Variants in SIPA1L1 observed in about 807,000 individuals in gnomAD.
The protein encoded by SIPA1L1 is signal-induced proliferation-associated 1-like protein 1.
In SIPA1L1, 26 loss-of-function variants were observed where a neutral mutation model predicts 162.7. That is an observed-to-expected ratio of 0.16 (90% CI 0.12 to 0.22). The LOEUF is 0.22. Among genes scored for constraint, SIPA1L1 ranks in the 10% least tolerant of loss-of-function variants. The pLI is 1.00. For synonymous variants in SIPA1L1, 829 were observed against 837.4 expected, an observed-to-expected ratio of 0.99 and a Z score of 0.17; for missense variants, 1,874 against 2,241.0, an observed-to-expected ratio of 0.84 and a Z score of 3.31.
Position 71,589,085 on chromosome 14 carries a change from G to T in SIPA1L1, c.1213G>T (p.Asp405Tyr). 2 of 1,614,108 alleles carry T rather than the reference G, an allele frequency of 1.2e-6. No homozygotes were observed. The highest frequency in any genetic ancestry group is 4.5e-5 in the East Asian group (2 of 44,866). ...KGSLSMDQGD[D>Y]KSNELVMSCP... is the part of the protein sequence containing the mutation. ...AAGCCTCAGCATGGACCAGGGAGAT[G>T]ATAAAAGCAATGAGCTTGTAATGAG... The change falls in exon 5 of 24, where the codon GAT becomes TAT. Residue 405 changes from aspartate to tyrosine, a missense_variant. This residue lies in a region of SIPA1L1 where 685 missense variants were observed against 828.0 expected (regional missense o/e 0.83). Coordinates refer to ENST00000381232, the MANE Select transcript of SIPA1L1 (RefSeq NM_001386936.1).
At chr14:71,704,166 C>G (rs1164951149) in intron 15 of SIPA1L1, among the ~76,000 whole-genome samples, 1 of 151,916 alleles carries the variant, frequency 6.6e-6, no homozygotes, top group Non-Finnish European at 1.5e-5. Context: ...GAAAAATAAC[C>G]AAGCCTTTCC....
chr14:71,672,597 C>G lies in SIPA1L1; in HGVS notation c.3079C>G (p.Pro1027Ala). The G allele has an allele frequency of 1.2e-6, 2 of 1,614,080 alleles. No homozygotes were observed. Among genetic ancestry groups the G allele is most frequent in the Non-Finnish European group, 1.7e-6 (2 of 1,179,914 alleles). The change falls in exon 12 of 24, where the codon CCG becomes GCG. Residue 1027 changes from proline (P) to alanine (A), a missense_variant. Pro to Ala is a conservative substitution (Grantham distance 27, BLOSUM62 -1). Transcript: ENST00000381232. ...CACGGTGAAGGTTGTCATCATTCCC[C>G]CGCATGATGACTGCACCCCGCGGAG... ...SVTVKVVIIP[P>A]HDDCTPRRSC...
chr14:71,471,903 A>G (rs2047488781), intron 2 of SIPA1L1, among the ~76,000 whole-genome samples: 1 of 152,252 alleles, frequency 6.6e-6, no homozygotes, highest in Non-Finnish European at 1.5e-5. Context: ...TAGGAGTGCT[A>G]GAGACCAGGC....
intron 2 of SIPA1L1, among the ~76,000 whole-genome samples, chr14:71,361,718 A>G (rs1202908011): frequency 6.6e-6 from 1 of 152,144 alleles, no homozygotes; most frequent in East Asian, 1.9e-4. Context: ...TAGGAACTGG[A>G]CAGTAGCTAC....
Position 71,730,066 on chromosome 14 carries a change from C to G in SIPA1L1, c.4626C>G (p.Leu1542=). 6.2e-7 allele frequency: 1 copy of G among 1,614,090 alleles called. No homozygotes were observed. Among genetic ancestry groups the G allele is most frequent in the Non-Finnish European group, 8.5e-7 (1 of 1,179,958 alleles). Residue 1542 remains leucine (L), a synonymous_variant, in exon 20 of 24, where the codon CTC becomes CTG. Coordinates refer to ENST00000381232, the MANE Select transcript of SIPA1L1 (RefSeq NM_001386936.1). ...ATCCTGTTTTTCAGTTCCACGCACT[C>G]TCCTCTCCTCAGTCTCCTTTCCCCA... ...ESQKSFKFHA[L]SSPQSPFPST... is the part of the protein sequence containing the mutation.
At chr14:71,525,765 T>C (rs1405207096) in intron 3 of SIPA1L1, among the ~76,000 whole-genome samples, 4 of 152,232 alleles carry the variant, frequency 2.6e-5, no homozygotes, top group Non-Finnish European at 5.9e-5. Context: ...ATTGTCGTTA[T>C]TTTTAATGTC....
At chr14:71,701,317 CT>C (rs1415714966) in intron 14 of SIPA1L1, among the ~76,000 whole-genome samples, 1 of 151,992 alleles carries the variant, frequency 6.6e-6, no homozygotes, top group Non-Finnish European at 1.5e-5. Context: ...CCAGGCCCAT[CT>C]CAAGCCATCC....
chr14:71,637,386 C>T (rs182010089), intron 7 of SIPA1L1, among the ~76,000 whole-genome samples: 9 of 152,072 alleles, frequency 5.9e-5, no homozygotes, highest in Admixed American at 2.6e-4. Context: ...TTGTCATAAT[C>T]GTTCTATTTT....
chr14:71,356,567 C>CCAAAAAAA (rs777415215), intron 2 of SIPA1L1, among the ~76,000 whole-genome samples: 2 of 39,172 alleles, frequency 5.1e-5, no homozygotes, highest in African/African-American at 2.2e-4. Context: ...CTTGTCTCTA[C>CCAAAAAAA]AAAAAAAAAA....
At chr14:71,654,694 A>G (rs2042914108) in intron 8 of SIPA1L1, among the ~76,000 whole-genome samples, 1 of 152,226 alleles carries the variant, frequency 6.6e-6, no homozygotes, top group African/African-American at 2.4e-5. Flanking sequence ...GTGATTGTCA[A>G]GGTGACCTAT....
At chr14:71,480,434 A>G (rs1156328009) in intron 2 of SIPA1L1, among the ~76,000 whole-genome samples, 1 of 147,560 alleles carries the variant, frequency 6.8e-6, no homozygotes, top group Admixed American at 6.8e-5. Context: ...AATAATAGAC[A>G]TTCTGTTTCT....
intron 2 of SIPA1L1, among the ~76,000 whole-genome samples, chr14:71,487,614 A>G (rs2048878726): frequency 6.6e-6 from 1 of 152,158 alleles, no homozygotes; most frequent in South Asian, 2.1e-4. Flanking sequence ...GGAGAAAGGA[A>G]GACTACCTAG....
intron 2 of SIPA1L1, among the ~76,000 whole-genome samples, chr14:71,486,097 G>A (rs2048736369): frequency 6.6e-6 from 1 of 152,168 alleles, no homozygotes; most frequent in Admixed American, 6.5e-5. Flanking sequence ...ATAATCATAC[G>A]GATGTGCGAT....
intron 7 of SIPA1L1, among the ~76,000 whole-genome samples, chr14:71,636,400 T>A (rs2148835286): frequency 6.6e-6 from 1 of 151,962 alleles, no homozygotes; most frequent in South Asian, 2.1e-4. Context: ...AATGGAAAAA[T>A]CTCTAAGCAC....
At position 71,571,036 on chromosome 14, in the gene SIPA1L1, C is replaced by A. The variant is rs532272676; in HGVS notation, c.-302-16535C>A. Among the ~76,000 whole-genome samples the A allele has an allele frequency of 5.3e-5, 8 of 152,248 alleles. No homozygotes were observed. The East Asian group carries it at 1.4e-3, about 26-fold the overall frequency. On this transcript the variant is annotated intron_variant, in intron 4 of 23. Coordinates refer to ENST00000381232, the MANE Select transcript of SIPA1L1 (RefSeq NM_001386936.1). Reference sequence around the variant, plus strand: ...TCTCGAACTCCTGACCTCAGGTGACCCAGCTGTCTTGGCCTTCCAAAGTGC... The same window carrying A: ...TCTCGAACTCCTGACCTCAGGTGACACAGCTGTCTTGGCCTTCCAAAGTGC...
chr14:71,479,179 A>T (rs895463999), intron 2 of SIPA1L1, among the ~76,000 whole-genome samples: 1 of 152,068 alleles, frequency 6.6e-6, no homozygotes, highest in African/African-American at 2.4e-5. Flanking sequence ...TTCTTCCCTA[A>T]TCAGCCTGCT....
intron 2 of SIPA1L1, among the ~76,000 whole-genome samples, chr14:71,454,842 C>T (rs1255708124): frequency 6.6e-6 from 1 of 152,194 alleles, no homozygotes; most frequent in Admixed American, 6.5e-5. Flanking sequence ...CTGGCTCTGT[C>T]TACCCGGTGT....
intron 2 of SIPA1L1, among the ~76,000 whole-genome samples, chr14:71,334,826 T>C (rs1594865973): frequency 6.6e-6 from 1 of 152,334 alleles, no homozygotes; most frequent in Non-Finnish European, 1.5e-5. Context: ...AGTATGTATT[T>C]GAATCTATTG....
At chr14:71,337,480 G>T (rs1446353726) in intron 2 of SIPA1L1, among the ~76,000 whole-genome samples, 1 of 152,140 alleles carries the variant, frequency 6.6e-6, no homozygotes, top group Non-Finnish European at 1.5e-5. Flanking sequence ...GAAGGCAGAT[G>T]AGTAGCAAAG....
Sources: allele counts gnomAD v4.1 joint callset (sites outside exome capture counted in the v4.1 genomes callset), GRCh38; gene constraint gnomAD v4.1.1; regional missense constraint gnomAD v4.1.1; transcripts MANE v1.5; gene names NCBI Gene and HGNC (gene_info 2026-07-23, HGNC 2026-07-21).